Variants in DNAH9 observed in about 807,000 individuals in gnomAD.
The protein encoded by DNAH9 is DNAH9 variant protein.
Under a neutral mutation model 471.6 loss-of-function variants are expected in DNAH9, and 345 were observed. The ratio of observed to expected loss-of-function variants is 0.73; its 90% CI spans 0.67 to 0.80. The LOEUF is 0.80. DNAH9 is among the 30% of genes least tolerant of loss of function. DNAH9 has a pLI of 0.00. For missense variants in DNAH9, 5,407 were observed against 5,609.2 expected, an observed-to-expected ratio of 0.96 and a Z score of 1.15; for synonymous variants, 2,093 against 2,123.6, an observed-to-expected ratio of 0.99 and a Z score of 0.40.
chr17:11,631,233 C>G (rs1020202717), intron 7 of DNAH9, among the ~76,000 whole-genome samples: 2 of 152,010 alleles, frequency 1.3e-5, no homozygotes, highest in African/African-American at 4.8e-5. Flanking sequence ...AGTATGAAAA[C>G]AGAGAATGGA....
At chr17:11,877,125 G>A (rs1259143793) in intron 53 of DNAH9, among the ~76,000 whole-genome samples, 4 of 151,694 alleles carry the variant, frequency 2.6e-5, no homozygotes, top group Admixed American at 6.6e-5. Flanking sequence ...CACAATATAT[G>A]TTACATATAT....
At chr17:11,903,440 GACTGTACA>G (rs1400668171) in intron 60 of DNAH9, among the ~76,000 whole-genome samples, 1 of 152,150 alleles carries the variant, frequency 6.6e-6, no homozygotes, top group African/African-American at 2.4e-5. Flanking sequence ...TTATGGTAAA[GACTGTACA>G]ACTTGGTAAA....
intron 49 of DNAH9, among the ~76,000 whole-genome samples, chr17:11,847,276 C>G (rs1339855201): frequency 6.6e-6 from 1 of 151,958 alleles, no homozygotes; most frequent in Non-Finnish European, 1.5e-5. Context: ...GTCATGAAAT[C>G]CTTGCTCATT....
chr17:11,924,073 T>C lies in DNAH9; in HGVS notation c.11877+132T>C, dbSNP rs1974231436. ...CACTCTTGTCCCCTTCATTTCTTCA[T>C]CTTCTCTCTTTCCAGTTCTCCTCAC... On this transcript the variant is annotated intron_variant, in intron 62 of 68. Coordinates refer to ENST00000262442, the MANE Select transcript of DNAH9 (RefSeq NM_001372.4). 3 of 1,313,868 alleles carry C rather than the reference T, an allele frequency of 2.3e-6. No homozygotes were observed. In the African/African-American group the frequency reaches 4.4e-5, roughly 19 times the overall value. The allele number at this position is 1,313,868 out of a possible 1,614,324, so 81.4% of individuals were successfully genotyped here.
intron 42 of DNAH9, 92 bp from the exon 43 acceptor site, chr17:11,797,505 G>A: frequency 1.9e-6 from 2 of 1,060,666 alleles, no homozygotes; most frequent in South Asian, 1.7e-5. Context: ...TAATTTCCAG[G>A]GAATGTGCAG....
At chr17:11,622,525 A>C (rs2072889076) in intron 6 of DNAH9, among the ~76,000 whole-genome samples, 1 of 152,044 alleles carries the variant, frequency 6.6e-6, no homozygotes, top group African/African-American at 2.4e-5. Flanking sequence ...GCTGACCACG[A>C]AGAACGAATT....
At chr17:11,779,208 G>C (rs934396897) in intron 38 of DNAH9, among the ~76,000 whole-genome samples, 1 of 152,098 alleles carries the variant, frequency 6.6e-6, no homozygotes, top group African/African-American at 2.4e-5. Context: ...TCCAGGTGTG[G>C]GCTTGAGTTT....
intron 67 of DNAH9, among the ~76,000 whole-genome samples, chr17:11,945,371 T>A (rs1156656514): frequency 6.6e-6 from 1 of 151,886 alleles, no homozygotes; most frequent in Non-Finnish European, 1.5e-5. Flanking sequence ...ACCCCGTCTC[T>A]ACTAAAAATA....
At chr17:11,938,201 T>C (rs1974775488) in intron 66 of DNAH9, among the ~76,000 whole-genome samples, 1 of 152,002 alleles carries the variant, frequency 6.6e-6, no homozygotes, top group South Asian at 2.1e-4. Context: ...GCCTCACACC[T>C]GTAATCCCAG....
chr17:11,694,119 T>C, intron 21 of DNAH9, 121 bp downstream of exon 21: 1 of 1,350,422 alleles, frequency 7.4e-7, no homozygotes, highest in Non-Finnish European at 1.0e-6. Flanking sequence ...TCTTTGCCTG[T>C]GTGTTTGGGT....
chr17:11,825,431 C>T (rs1970456439), intron 48 of DNAH9, among the ~76,000 whole-genome samples: 1 of 152,086 alleles, frequency 6.6e-6, no homozygotes, highest in African/African-American at 2.4e-5. Context: ...GAATGGTTGC[C>T]AGGAAGTAAG....
At chr17:11,729,432 T>C (rs1035706050) in intron 28 of DNAH9, among the ~76,000 whole-genome samples, 5 of 152,162 alleles carry the variant, frequency 3.3e-5, no homozygotes, top group African/African-American at 1.2e-4. Context: ...CTGGTACTCC[T>C]AGTGTGTGCC....
chr17:11,783,661 G>A lies in DNAH9; in HGVS notation c.7734G>A (p.Lys2578=), dbSNP rs765532513. The part of the protein sequence containing the change: ...LDYGHWYDRS[K]LSLKEITNVQ... The stretch of plus-strand genomic sequence containing the variant: ...ACTGTTCCAGGTATGATCGGAGCAA[G>A]CTGTCCCTAAAGGAGATCACAAATG... The change falls in exon 40 of 69, where the codon AAG becomes AAA. Residue 2578 remains lysine (K), a synonymous_variant. Transcript: ENST00000262442. 2.5e-6 allele frequency: 4 copies of A among 1,614,002 alleles called. No individual in the cohort carries two copies. The highest frequency in any genetic ancestry group is 3.3e-5 in the Admixed American group (2 of 60,012).
chr17:11,873,699 C>A (rs959812834), intron 52 of DNAH9, among the ~76,000 whole-genome samples: 1 of 149,550 alleles, frequency 6.7e-6, no homozygotes, highest in African/African-American at 2.5e-5. Flanking sequence ...ATAAGAAAAT[C>A]CAAGGGGACA....
intron 27 of DNAH9, among the ~76,000 whole-genome samples, chr17:11,723,668 T>A (rs2075101465): frequency 6.6e-6 from 1 of 152,058 alleles, no homozygotes; most frequent in South Asian, 2.1e-4. Flanking sequence ...AAATTGAATT[T>A]TTTTTTTCTT....
At chr17:11,830,565 G>A (rs1013161067) in intron 48 of DNAH9, among the ~76,000 whole-genome samples, 77 of 151,940 alleles carry the variant, frequency 5.1e-4, no homozygotes, top group Non-Finnish European at 2.1e-4. Flanking sequence ...CATTTAGTGA[G>A]AAAAAACGAA....
At chr17:11,959,837 A>G (rs1247315795) in intron 67 of DNAH9, among the ~76,000 whole-genome samples, 1 of 152,222 alleles carries the variant, frequency 6.6e-6, no homozygotes, top group African/African-American at 2.4e-5. Context: ...TCCCTGTAAT[A>G]AAGTCCTGTT....
At chr17:11,967,988 CAG>C (rs1177312792) in intron 68 of DNAH9, among the ~76,000 whole-genome samples, 2 of 151,956 alleles carry the variant, frequency 1.3e-5, no homozygotes, top group African/African-American at 2.4e-5. Flanking sequence ...CAGAAACTGA[CAG>C]AATTAAAGGA....
intron 3 of DNAH9, 82 bp from the exon 4 acceptor site, chr17:11,611,566 CTT>C (rs2072637471): frequency 1.4e-6 from 2 of 1,416,754 alleles, no homozygotes; most frequent in Middle Eastern, 2.1e-4. Flanking sequence ...GGGCTCCTCT[CTT>C]TCTGTGTGAC....
Sources: gnomAD v4.1 joint callset for allele counts (sites outside exome capture counted in the v4.1 genomes callset) on GRCh38, gnomAD v4.1.1 for gene constraint, MANE v1.5 for transcripts, NCBI Gene and HGNC (gene_info 2026-07-23, HGNC 2026-07-21) for gene names.